CSMD1: variants seen among roughly 807,000 people sequenced by gnomAD.
CSMD1 encodes CUB and Sushi multiple domains 1, also known as CUB and sushi domain-containing protein 1.
In CSMD1, 213 loss-of-function variants were observed where a neutral mutation model predicts 417.5. The ratio of observed to expected loss-of-function variants is 0.51; its 90% confidence interval spans 0.46 to 0.57. The LOEUF (loss-of-function observed/expected upper bound fraction) is 0.57. Ranked by LOEUF, CSMD1 falls within the 20% of genes least tolerant of loss-of-function variation. The pLI is 0.00. For missense variants in CSMD1, 6,923 were observed against 4,529.7 expected, an observed-to-expected ratio of 1.53 and a Z score of -15.17; for synonymous variants, 2,862 against 1,736.8, an observed-to-expected ratio of 1.65 and a Z score of -16.11.
At chr8:2,951,378 A>G in intron 65 of CSMD1, 103 bp from the exon 66 acceptor site, 1 of 1,186,216 alleles carries the variant, frequency 8.4e-7, no homozygotes, top group South Asian at 1.6e-5. Flanking sequence ...GAGCGATCAC[A>G]GATGAGGGCA....
At chr8:3,982,645 G>T (rs1000815991) in intron 5 of CSMD1, among the ~76,000 whole-genome samples, 1 of 152,162 alleles carries the variant, frequency 6.6e-6, no homozygotes, top group Admixed American at 6.5e-5. Flanking sequence ...AAATTATGTG[G>T]GGCAAAGATA....
chr8:3,521,712 T>C (rs978012071), intron 10 of CSMD1, among the ~76,000 whole-genome samples: 8 of 152,250 alleles, frequency 5.3e-5, no homozygotes, highest in African/African-American at 1.7e-4. Context: ...AGAATTTTCT[T>C]AATGAGAACA....
chr8:4,494,476 G>C (rs185192500), intron 2 of CSMD1, among the ~76,000 whole-genome samples: 1 of 152,224 alleles, frequency 6.6e-6, no homozygotes, highest in East Asian at 1.9e-4. Context: ...TTCATGTGAA[G>C]ACAATTCTAT....
At chr8:4,384,557 C>T (rs531035923) in intron 3 of CSMD1, among the ~76,000 whole-genome samples, 2 of 152,174 alleles carry the variant, frequency 1.3e-5, no homozygotes, top group South Asian at 4.1e-4. Context: ...ACCCCTGTAT[C>T]AGTGCTGTAA....
intron 2 of CSMD1, among the ~76,000 whole-genome samples, chr8:4,446,729 G>C (rs1044674865): frequency 2.9e-5 from 4 of 138,402 alleles, no homozygotes; most frequent in South Asian, 2.4e-4. Flanking sequence ...GTGTGTGTGT[G>C]TGTCTGTGTG....
At chr8:4,717,815 C>G (rs898610591) in intron 1 of CSMD1, among the ~76,000 whole-genome samples, 2 of 152,118 alleles carry the variant, frequency 1.3e-5, no homozygotes, top group Admixed American at 6.6e-5. Context: ...CCTTTCAGAT[C>G]TTACCGCCAC....
chr8:3,774,309 G>C (rs892971909), intron 5 of CSMD1, among the ~76,000 whole-genome samples: 19 of 152,022 alleles, frequency 1.2e-4, no homozygotes, highest in Non-Finnish European at 5.9e-5. Context: ...AGAGCATCTG[G>C]GTTTCAGTAG....
chr8:4,132,520 C>G (rs1803174123), intron 3 of CSMD1, among the ~76,000 whole-genome samples: 1 of 152,092 alleles, frequency 6.6e-6, no homozygotes, highest in South Asian at 2.1e-4. Context: ...TCCCCTGTTT[C>G]TGGGTATAAT....
chr8:4,175,529 G>A (rs1403438508), intron 3 of CSMD1, among the ~76,000 whole-genome samples: 4 of 152,046 alleles, frequency 2.6e-5, no homozygotes, highest in Non-Finnish European at 5.9e-5. Flanking sequence ...GAAGCCCAAT[G>A]GATAAATGTA....
Position 3,201,622 on chromosome 8 carries a change from C to T in CSMD1, c.5088G>A (p.Gly1696=). ...TTCTTTAAGACTTACCTGAGTGAGA[C>T]CCCGAGAGTGAGCTGAGAAGTCTGG... ...AQARLLSSLS[G]SHSGETLPLA... Residue 1696 remains glycine (G), a synonymous_variant, in exon 32 of 70, where the codon GGG becomes GGA. Coordinates refer to ENST00000635120, the MANE Select transcript of CSMD1 (RefSeq NM_033225.6). The T allele has an allele frequency of 6.3e-7, 1 of 1,597,326 alleles. No individual in the cohort carries two copies. Among genetic ancestry groups the T allele is most frequent in the Non-Finnish European group, 8.5e-7 (1 of 1,170,516 alleles).
chr8:3,363,512 CTTATTTATTTAT>C (rs72391770), intron 20 of CSMD1, among the ~76,000 whole-genome samples: 1 of 150,656 alleles, frequency 6.6e-6, no homozygotes, highest in Non-Finnish European at 1.5e-5. Context: ...TGTAGAAAGG[CTTATTTATTTAT>C]TTATTTATTT....
At chr8:2,952,816 C>T (rs981079419) in intron 65 of CSMD1, among the ~76,000 whole-genome samples, 1 of 152,124 alleles carries the variant, frequency 6.6e-6, no homozygotes, top group African/African-American at 2.4e-5. Flanking sequence ...GGGTAAGATA[C>T]AACCAATGTC....
At chr8:3,412,019 TACAC>T (rs1392479876) in intron 12 of CSMD1, among the ~76,000 whole-genome samples, 3 of 33,752 alleles carry the variant, frequency 8.9e-5, no homozygotes, top group Non-Finnish European at 1.5e-4. Flanking sequence ...TATATACATA[TACAC>T]ACGTATATAT....
chr8:4,031,856 C>A, intron 4 of CSMD1, 49 bp downstream of exon 4: 1 of 1,408,240 alleles, frequency 7.1e-7, no homozygotes, highest in Non-Finnish European at 9.6e-7. Flanking sequence ...TCTCCAAAAC[C>A]ATTGCCCTGC....
At position 3,595,478 on chromosome 8, in the gene CSMD1, A is replaced by G. The variant is rs186510220; in HGVS notation, c.1098-9218T>C. ...TAACACCACTAAAAATGCATCAGAG[A>G]GTAGATGGAACTCTCTAGCCTGAGG... On this transcript the variant is annotated intron_variant, in intron 8 of 69. Transcript: ENST00000635120. Among the ~76,000 whole-genome samples the G allele has an allele frequency of 1.6e-3, 245 of 152,292 alleles. 1 individual carries two copies. Among genetic ancestry groups the G allele is most frequent in the Middle Eastern group, 3.4e-3 (1 of 294 alleles).
intron 9 of CSMD1, among the ~76,000 whole-genome samples, chr8:3,584,394 G>A (rs1235214345): frequency 6.6e-6 from 1 of 152,306 alleles, no homozygotes; most frequent in Admixed American, 6.5e-5. Flanking sequence ...TGGGACACTT[G>A]AATTGACGAG....
chr8:4,149,594 G>T (rs141753113), intron 3 of CSMD1, among the ~76,000 whole-genome samples: 77 of 152,260 alleles, frequency 5.1e-4, no homozygotes, highest in African/African-American at 1.6e-3. Context: ...TATGCTAAAA[G>T]GGAAATAAAC....
intron 5 of CSMD1, among the ~76,000 whole-genome samples, chr8:3,795,659 CATAG>C (rs1800040898): frequency 3.2e-5 from 1 of 31,374 alleles, no homozygotes; most frequent in South Asian, 8.6e-4. Flanking sequence ...ATATATCTAT[CATAG>C]ATATAGATAT....
At chr8:4,166,895 G>GCAGCAGCCTCATTT (rs1797488054) in intron 3 of CSMD1, among the ~76,000 whole-genome samples, 1 of 152,154 alleles carries the variant, frequency 6.6e-6, no homozygotes, top group Non-Finnish European at 1.5e-5. Context: ...TTCCTTAGCA[G>GCAGCAGCCTCATTT]CAGCAGCCTC....
Sources: allele counts gnomAD v4.1 joint callset (sites outside exome capture counted in the v4.1 genomes callset), GRCh38; gene constraint gnomAD v4.1.1; transcripts MANE v1.5; gene names NCBI Gene and HGNC (gene_info 2026-07-23, HGNC 2026-07-21).